Variants in ASIC2 observed in about 807,000 individuals in gnomAD.
ASIC2 encodes acid-sensing ion channel 2.
A neutral mutation model predicts 57.3 loss-of-function variants in ASIC2; 25 were observed. That is an observed-to-expected ratio of 0.44 (90% CI 0.32 to 0.61). The LOEUF (loss-of-function observed/expected upper bound fraction) is 0.61, where lower values mean the gene tolerates loss of function less well. ASIC2 is among the 20% of genes least tolerant of loss of function. The probability of loss-of-function intolerance (pLI) is 0.06; values close to 1 mark genes in which losing one functional copy is unlikely to be tolerated. For missense variants in ASIC2, 641 were observed against 738.1 expected (o/e 0.87, Z 1.52); for synonymous variants, 319 against 307.5 (o/e 1.04, Z -0.39).
chr17:33,769,926 T>C (rs1911046200), intron 1 of ASIC2, among the ~76,000 whole-genome samples: 1 of 151,706 alleles, frequency 6.6e-6, no homozygotes, highest in African/African-American at 2.4e-5. Flanking sequence ...ATCAGGAGGG[T>C]TCCATCCTCA....
intron 1 of ASIC2, among the ~76,000 whole-genome samples, chr17:33,340,350 A>C (rs1907676025): frequency 1.3e-5 from 2 of 152,152 alleles, no homozygotes; most frequent in Non-Finnish European, 2.9e-5. Flanking sequence ...GTTTCCTCAG[A>C]TGCAAAGTAG....
chr17:33,043,597 A>T (rs980906527), intron 3 of ASIC2, among the ~76,000 whole-genome samples: 1 of 152,222 alleles, frequency 6.6e-6, no homozygotes, highest in African/African-American at 2.4e-5. Context: ...ACTGAGAGGA[A>T]ATGTTCCATT....
At chr17:33,837,676 T>C (rs574866169) in intron 1 of ASIC2, among the ~76,000 whole-genome samples, 1 of 152,326 alleles carries the variant, frequency 6.6e-6, no homozygotes, top group African/African-American at 2.4e-5. Flanking sequence ...TTTTGCCCTA[T>C]GTGCCTTAAT....
At chr17:33,633,257 A>C (rs1359039051) in intron 1 of ASIC2, among the ~76,000 whole-genome samples, 1 of 152,164 alleles carries the variant, frequency 6.6e-6, no homozygotes, top group Non-Finnish European at 1.5e-5. Flanking sequence ...GGGTCCAAAA[A>C]GGCTCTTGTG....
chr17:33,906,792 A>G (rs1414151753), intron 1 of ASIC2, among the ~76,000 whole-genome samples: 2 of 152,212 alleles, frequency 1.3e-5, no homozygotes, highest in African/African-American at 4.8e-5. Context: ...TTTGGCATCA[A>G]GACCTACTGG....
chr17:33,152,228 G>T (rs1238359301), intron 1 of ASIC2, among the ~76,000 whole-genome samples: 1 of 152,144 alleles, frequency 6.6e-6, no homozygotes, highest in East Asian at 1.9e-4. Context: ...CCAGTGAAGC[G>T]CTACTCGATC....
chr17:33,694,271 A>T (rs1438819813), intron 1 of ASIC2, among the ~76,000 whole-genome samples: 1 of 152,172 alleles, frequency 6.6e-6, no homozygotes, highest in Non-Finnish European at 1.5e-5. Context: ...TGAGTTCTTC[A>T]TATGAAAATG....
intron 1 of ASIC2, among the ~76,000 whole-genome samples, chr17:33,579,285 T>TTA (rs1784117571): frequency 2.1e-5 from 1 of 46,566 alleles, no homozygotes; most frequent in South Asian, 7.4e-4. Flanking sequence ...AAACTGTGTC[T>TTA]CAAAAAAAAA....
intron 1 of ASIC2, among the ~76,000 whole-genome samples, chr17:33,232,634 G>A (rs1261578643): frequency 6.6e-6 from 1 of 152,194 alleles, no homozygotes; most frequent in African/African-American, 2.4e-5. Context: ...AATTTCCCTT[G>A]TTGAGTTTAT....
chr17:33,966,113 T>C (rs1905066333), intron 1 of ASIC2, among the ~76,000 whole-genome samples: 1 of 152,242 alleles, frequency 6.6e-6, no homozygotes, highest in African/African-American at 2.4e-5. Context: ...TTACCCACAA[T>C]GAACAATTCT....
At chr17:33,152,606 A>G (rs1456557942) in intron 1 of ASIC2, among the ~76,000 whole-genome samples, 1 of 152,056 alleles carries the variant, frequency 6.6e-6, no homozygotes, top group Non-Finnish European at 1.5e-5. Context: ...GAGTGCTAGG[A>G]AGGGAGGCTG....
chr17:34,076,741 C>T (rs1909674757), intron 1 of ASIC2, among the ~76,000 whole-genome samples: 1 of 152,152 alleles, frequency 6.6e-6, no homozygotes, highest in African/African-American at 2.4e-5. Context: ...CACCAAAACC[C>T]AGCTGGTCTT....
At chr17:34,074,508 A>G (rs1025675153) in intron 1 of ASIC2, among the ~76,000 whole-genome samples, 1 of 152,046 alleles carries the variant, frequency 6.6e-6, no homozygotes, top group African/African-American at 2.4e-5. Context: ...TACTTTTCCA[A>G]AGACTGTCAT....
chr17:33,170,979 A>G (rs987616943), intron 1 of ASIC2, among the ~76,000 whole-genome samples: 10 of 152,146 alleles, frequency 6.6e-5, no homozygotes, highest in Admixed American at 3.9e-4. Flanking sequence ...ACAGGCCTTC[A>G]GATGTGTGAT....
At chr17:33,712,104 T>G (rs1909055007) in intron 1 of ASIC2, among the ~76,000 whole-genome samples, 1 of 152,202 alleles carries the variant, frequency 6.6e-6, no homozygotes, top group South Asian at 2.1e-4. Flanking sequence ...TTTGGAGAAG[T>G]TACTGAGTCT....
intron 1 of ASIC2, among the ~76,000 whole-genome samples, chr17:33,663,222 A>G (rs1377842394): frequency 1.3e-5 from 2 of 152,238 alleles, no homozygotes; most frequent in Non-Finnish European, 2.9e-5. Context: ...AGGTTCACGC[A>G]GCAGGTAATG....
intron 1 of ASIC2, among the ~76,000 whole-genome samples, chr17:33,809,585 C>A (rs1912361953): frequency 6.6e-6 from 1 of 152,166 alleles, no homozygotes; most frequent in East Asian, 1.9e-4. Flanking sequence ...ATACACGTAT[C>A]CTTAGTGCAC....
At chr17:33,512,363 G>C (rs1347126921) in intron 1 of ASIC2, among the ~76,000 whole-genome samples, 1 of 152,174 alleles carries the variant, frequency 6.6e-6, no homozygotes, top group Non-Finnish European at 1.5e-5. Flanking sequence ...CCATGGACCA[G>C]GTTCCAAGGC....
intron 3 of ASIC2, among the ~76,000 whole-genome samples, chr17:33,057,706 G>C (rs2092003668): frequency 6.6e-6 from 1 of 152,226 alleles, no homozygotes; most frequent in Non-Finnish European, 1.5e-5. Flanking sequence ...CCCGTGGAAT[G>C]GTTCTGGTTG....
Sources: gnomAD v4.1 joint callset for allele counts (sites outside exome capture counted in the v4.1 genomes callset) on GRCh38, gnomAD v4.1.1 for gene constraint, MANE v1.5 for transcripts, NCBI Gene and HGNC (gene_info 2026-07-23, HGNC 2026-07-21) for gene names.